Variants in ELOB observed in about 807,000 individuals in gnomAD.
ELOB encodes elongin B.
ELOB carries 3 observed loss-of-function variants against 12.9 expected under a neutral mutation model. The observed-to-expected ratio is 0.23, with a 90% confidence interval of 0.11 to 0.60. The LOEUF (loss-of-function observed/expected upper bound fraction) is 0.60, where lower values mean the gene tolerates loss of function less well. Among genes scored for constraint, ELOB ranks in the 20% least tolerant of loss-of-function variants. The pLI is 0.89. For missense variants in ELOB, 126 were observed against 159.2 expected, an observed-to-expected ratio of 0.79 and a Z score of 1.12; for synonymous variants, 84 against 67.4, an observed-to-expected ratio of 1.25 and a Z score of -1.21.
chr16:2,775,550 G>T lies in ELOB; in HGVS notation c.145C>A (p.Gln49Lys). The T allele has an allele frequency of 6.2e-7, 1 of 1,608,040 alleles. No homozygotes were observed. ...AGTGTCTTGCCATCATCCAAGAGTT[G>T]GTCATCCTGAGGAGAGAAGCAGGAT... ...PDEQRLYKDD[Q>K]LLDDGKTLGE... Residue 49 changes from glutamine to lysine, a missense_variant, in exon 3 of 4, where the codon CAA becomes AAA. Transcript: ENST00000409906.
intron 2 of ELOB, 77 bp downstream of exon 2, chr16:2,776,916 C>T (rs1162426770): frequency 1.3e-6 from 2 of 1,483,208 alleles, no homozygotes; most frequent in Admixed American, 2.1e-5. Context: ...CTACTGTTTA[C>T]ATCGCGGACA....
chr16:2,775,363 A>C, intron 3 of ELOB, 88 bp downstream of exon 3: 1 of 895,986 alleles, frequency 1.1e-6, no homozygotes, highest in Admixed American at 3.0e-5. Context: ...TGAAGGCTTC[A>C]ACTCCAGGCT....
intron 2 of ELOB, 21 bp downstream of exon 2, chr16:2,776,972 C>T (rs2068804921): frequency 6.5e-7 from 1 of 1,549,576 alleles, no homozygotes; most frequent in Non-Finnish European, 8.7e-7. Context: ...CCGCTCCCCT[C>T]GGCCCGCCCG....
In ELOB at chr16:2,771,884, C is replaced by T. The variant is rs1596301525; in HGVS notation, c.*106G>A. 5 of 1,480,512 alleles carry T rather than the reference C, an allele frequency of 3.4e-6. No individual in the cohort carries two copies. Among genetic ancestry groups the T allele is most frequent in the African/African-American group, 1.4e-5 (1 of 70,708 alleles). 91.7% of individuals were successfully genotyped at this position (1,480,512 alleles called of 1,614,324 possible). ...TGCCAAGCACAAGCCCCAAAAGGAG[C>T]CCACAGGGAGTGGGACCCATCCCAG... On this transcript the variant is annotated 3_prime_UTR_variant, in exon 4 of 4. Coordinates refer to ENST00000409906, the MANE Select transcript of ELOB (RefSeq NM_007108.4).
At chr16:2,773,406 T>C (rs2068780808) in intron 3 of ELOB, among the ~76,000 whole-genome samples, 1 of 152,124 alleles carries the variant, frequency 6.6e-6, no homozygotes, top group African/African-American at 2.4e-5. Flanking sequence ...CACAAACCTG[T>C]GACAATTCGT....
intron 2 of ELOB, among the ~76,000 whole-genome samples, chr16:2,776,468 G>A (rs951580329): frequency 2.6e-5 from 4 of 152,224 alleles, no homozygotes; most frequent in Admixed American, 6.5e-5. Context: ...AGGGGAAAGG[G>A]GGGCTTCTAG....
At position 2,777,250 on chromosome 16, in the gene ELOB, G is replaced by A. The variant is rs996141781; in HGVS notation, c.-11C>T. On this transcript the variant is annotated 5_prime_UTR_variant, in exon 1 of 4. Transcript: ENST00000409906. ...ACGCCCGCTCACCATCGCGGCTGCT[G>A]CCTCTCCCCTCGACGCGCCGGCGCA... is the stretch of plus-strand genomic sequence containing the variant. 7.0e-5 allele frequency: 72 copies of A among 1,025,842 alleles called. No individual in the cohort carries two copies. In the African/African-American group the frequency reaches 9.9e-4, roughly 14 times the overall value. 63.5% of individuals were successfully genotyped at this position (1,025,842 alleles called of 1,614,324 possible).
chr16:2,772,566 C>T (rs1049944206), intron 3 of ELOB: 6 of 150,980 alleles, frequency 4.0e-5, no homozygotes, highest in South Asian at 2.1e-4. Context: ...AAAAATTAGC[C>T]GGGCATGGTG....
At chr16:2,776,058 T>C (rs893549424) in intron 2 of ELOB, among the ~76,000 whole-genome samples, 4 of 152,122 alleles carry the variant, frequency 2.6e-5, no homozygotes, top group African/African-American at 7.2e-5. Flanking sequence ...GGCTGGCTGG[T>C]AGTTGAGCCT....
At position 2,771,759 on chromosome 16, in the gene ELOB, T is replaced by A. The variant is rs989158016; in HGVS notation, c.*231A>T. 7 of 1,496,228 alleles carry A rather than the reference T, an allele frequency of 4.7e-6. No individual in the cohort carries two copies. Among genetic ancestry groups the A allele is most frequent in the Non-Finnish European group, 6.2e-6 (7 of 1,127,782 alleles). 92.7% of individuals were successfully genotyped at this position (1,496,228 alleles called of 1,614,324 possible). A position where few individuals can be genotyped will look rare whatever the true frequency, so the allele number is the denominator to read the frequency against. Reference sequence around the variant, plus strand: ...GGCTAGCTGCTAACAATGGCTTGGGTCTCAGGGCAACCCAGGTCCCCATGG... The same window carrying A: ...GGCTAGCTGCTAACAATGGCTTGGGACTCAGGGCAACCCAGGTCCCCATGG... On this transcript the variant is annotated 3_prime_UTR_variant, in exon 4 of 4. Coordinates refer to ENST00000409906, the MANE Select transcript of ELOB (RefSeq NM_007108.4).
At chr16:2,776,469 G>A (rs934902093) in intron 2 of ELOB, among the ~76,000 whole-genome samples, 3 of 152,216 alleles carry the variant, frequency 2.0e-5, no homozygotes, top group Admixed American at 2.0e-4. Flanking sequence ...GGGGAAAGGG[G>A]GGCTTCTAGG....
chr16:2,775,902 G>C (rs976672205), intron 2 of ELOB, among the ~76,000 whole-genome samples: 2 of 152,154 alleles, frequency 1.3e-5, no homozygotes, highest in Non-Finnish European at 2.9e-5. Context: ...TTTAGAGACA[G>C]GGTCTCGCTA....
Position 2,777,110 on chromosome 16 carries a change from G to A in ELOB, c.21C>T (p.Ile7=), listed in dbSNP as rs1421210178. ...TGAAGATGGTGGTCTTGTGGCGCCGGATCATGAGGAACACGTCCTGGGGGC... is the reference window on the plus strand; with the variant it reads ...TGAAGATGGTGGTCTTGTGGCGCCGAATCATGAGGAACACGTCCTGGGGGC... The part of the protein sequence containing the change: MDVFLM[I]RRHKTTIFTD... Residue 7 remains isoleucine, a synonymous_variant, in exon 2 of 4, where the codon ATC becomes ATT. Transcript: ENST00000409906. The A allele has an allele frequency of 6.3e-6, 10 of 1,583,476 alleles. No homozygotes were observed. Among genetic ancestry groups the A allele is most frequent in the African/African-American group, 4.2e-5 (3 of 71,300 alleles).
chr16:2,774,408 C>A (rs1251518466), intron 3 of ELOB, among the ~76,000 whole-genome samples: 1 of 152,206 alleles, frequency 6.6e-6, no homozygotes, highest in Non-Finnish European at 1.5e-5. Flanking sequence ...GGACTCAACA[C>A]CACCTTGCTG....
chr16:2,771,816 C>A lies in ELOB; in HGVS notation c.*174G>T, dbSNP rs1416426385. 19 of 1,451,128 alleles carry A rather than the reference C, an allele frequency of 1.3e-5. No individual in the cohort carries two copies. The highest frequency in any genetic ancestry group is 1.5e-5 in the Non-Finnish European group (17 of 1,106,108). The allele number at this position is 1,451,128 out of a possible 1,614,324, so 89.9% of individuals were successfully genotyped here. The stretch of plus-strand genomic sequence containing the variant: ...TAAGCAGCAGGCTGGGCCAAGTTCT[C>A]AGCCAGGGTCTCAGGATCTGGGAGA... On this transcript the variant is annotated 3_prime_UTR_variant, in exon 4 of 4. Coordinates refer to ENST00000409906, the MANE Select transcript of ELOB (RefSeq NM_007108.4).
chr16:2,772,309 T>C, intron 3 of ELOB: 1 of 476,422 alleles, frequency 2.1e-6, no homozygotes, highest in Non-Finnish European at 3.5e-6. Flanking sequence ...GGGCCCAACC[T>C]GAAGGTCCCC....
At chr16:2,773,896 A>T (rs2068783978) in intron 3 of ELOB, among the ~76,000 whole-genome samples, 1 of 152,250 alleles carries the variant, frequency 6.6e-6, no homozygotes, top group Non-Finnish European at 1.5e-5. Context: ...TTCACGAAGC[A>T]GACCAGATAT....
chr16:2,776,271 G>A (rs144052684), intron 2 of ELOB, among the ~76,000 whole-genome samples: 1 of 152,306 alleles, frequency 6.6e-6, no homozygotes, highest in East Asian at 1.9e-4. Context: ...GAGACCATGG[G>A]AGCTGAGGCT....
At chr16:2,776,704 A>C (rs2068802833) in intron 2 of ELOB, among the ~76,000 whole-genome samples, 1 of 152,180 alleles carries the variant, frequency 6.6e-6, no homozygotes, top group Non-Finnish European at 1.5e-5. Flanking sequence ...ACCAAGCCGA[A>C]CCTCAATTTC....
Sources: allele counts gnomAD v4.1 joint callset (sites outside exome capture counted in the v4.1 genomes callset), GRCh38; gene constraint gnomAD v4.1.1; transcripts MANE v1.5; gene names NCBI Gene and HGNC (gene_info 2026-07-23, HGNC 2026-07-21).